ERC1: variants seen among roughly 807,000 people sequenced by gnomAD.
ERC1 encodes the protein RAB6 interacting protein 2.
A neutral mutation model predicts 132.0 loss-of-function variants in ERC1; 56 were observed. The observed-to-expected ratio is 0.42, with a 90% CI of 0.34 to 0.53. ERC1 has a LOEUF of 0.53. Ranked by LOEUF, ERC1 falls within the 20% of genes least tolerant of loss-of-function variation. ERC1 has a pLI of 0.03. For synonymous variants in ERC1, 478 were observed against 476.1 expected (o/e 1.00, Z -0.05); for missense variants, 1,202 against 1,349.9 (o/e 0.89, Z 1.72).
At chr12:1,094,322 A>G (rs1003868606) in intron 3 of ERC1, among the ~76,000 whole-genome samples, 2 of 151,836 alleles carry the variant, frequency 1.3e-5, no homozygotes, top group African/African-American at 4.8e-5. Context: ...CCCGGCCAAA[A>G]AAGAAAAAGA....
intron 7 of ERC1, among the ~76,000 whole-genome samples, chr12:1,134,801 T>C (rs1472980459): frequency 6.6e-6 from 1 of 151,100 alleles, no homozygotes; most frequent in Non-Finnish European, 1.5e-5. Flanking sequence ...TGATCTCAGC[T>C]CACTGCAACC....
At chr12:1,300,704 T>C (rs1267038668) in intron 15 of ERC1, among the ~76,000 whole-genome samples, 2 of 152,088 alleles carry the variant, frequency 1.3e-5, no homozygotes, top group Non-Finnish European at 2.9e-5. Context: ...GAATAAAAGC[T>C]CAAAGTCACT....
At chr12:1,386,061 A>G (rs1003189957) in intron 16 of ERC1, 5 of 104,422 alleles carry the variant, frequency 4.8e-5, no homozygotes, top group African/African-American at 1.5e-4. Flanking sequence ...TTTTTTTGAG[A>G]CAGAGTCTTG....
chr12:1,378,184 A>G (rs2088172940), intron 16 of ERC1, among the ~76,000 whole-genome samples: 1 of 152,224 alleles, frequency 6.6e-6, no homozygotes, highest in Non-Finnish European at 1.5e-5. Context: ...TGAAGAATGT[A>G]GGGGTCAGAT....
At chr12:1,449,433 G>A (rs946324907) in intron 18 of ERC1, among the ~76,000 whole-genome samples, 1 of 152,090 alleles carries the variant, frequency 6.6e-6, no homozygotes, top group Non-Finnish European at 1.5e-5. Context: ...CCAGTGGGAG[G>A]TAATAGAATC....
At chr12:1,298,764 T>C (rs148130564) in intron 15 of ERC1, among the ~76,000 whole-genome samples, 93 of 149,644 alleles carry the variant, frequency 6.2e-4, no homozygotes, top group African/African-American at 2.1e-3. Flanking sequence ...ACAGAGATAC[T>C]AGATTAGAAA....
At chr12:1,008,499 A>T (rs1361379068) in intron 1 of ERC1, among the ~76,000 whole-genome samples, 1 of 151,854 alleles carries the variant, frequency 6.6e-6, no homozygotes, top group Non-Finnish European at 1.5e-5. Context: ...CTGGTCTCGA[A>T]CTCCTGGGCT....
At chr12:1,128,087 C>G (rs1267431354) in intron 7 of ERC1, among the ~76,000 whole-genome samples, 1 of 152,198 alleles carries the variant, frequency 6.6e-6, no homozygotes, top group Non-Finnish European at 1.5e-5. Flanking sequence ...GGGACATTCT[C>G]TCAACCTAGT....
intron 2 of ERC1, among the ~76,000 whole-genome samples, chr12:1,052,338 C>G (rs980777902): frequency 6.6e-6 from 1 of 152,240 alleles, no homozygotes; most frequent in East Asian, 1.9e-4. Flanking sequence ...AAAATAATTA[C>G]GTAAACACAA....
chr12:1,472,501 T>G (rs1221549121), intron 18 of ERC1, among the ~76,000 whole-genome samples: 1 of 151,890 alleles, frequency 6.6e-6, no homozygotes, highest in African/African-American at 2.4e-5. Flanking sequence ...AAATTTAAAA[T>G]TAGTGGGGTG....
intron 7 of ERC1, among the ~76,000 whole-genome samples, chr12:1,126,986 CAAAAA>C (rs71055135): frequency 2.2e-4 from 25 of 114,202 alleles, no homozygotes; most frequent in African/African-American, 3.0e-4. Flanking sequence ...GATTCTGTCT[CAAAAA>C]AAAAAAAAAA....
intron 3 of ERC1, among the ~76,000 whole-genome samples, chr12:1,098,717 T>C (rs1417859396): frequency 2.0e-5 from 3 of 152,212 alleles, no homozygotes; most frequent in African/African-American, 7.2e-5. Flanking sequence ...TAAATAGAGA[T>C]GCCAAATGGG....
intron 15 of ERC1, among the ~76,000 whole-genome samples, chr12:1,342,699 G>A (rs886427520): frequency 1.3e-5 from 2 of 152,090 alleles, no homozygotes; most frequent in Non-Finnish European, 2.9e-5. Flanking sequence ...AATAGCAGAT[G>A]AAAAGTCACA....
rs561268022 is a variant in ERC1, at chr12:1,389,667, G to A, written c.2925+17690G>A. Among the ~76,000 whole-genome samples the A allele has an allele frequency of 5.9e-5, 9 of 152,228 alleles. No homozygotes were observed. The East Asian group carries it at 1.7e-3, about 29-fold the overall frequency. The stretch of plus-strand genomic sequence containing the variant: ...TGATTGTGATCTTATATACCCCATA[G>A]CCATTTTGCTGATTTGATATATAAA... On this transcript the variant is annotated intron_variant, in intron 16 of 18. Transcript: ENST00000360905.
intron 1 of ERC1, among the ~76,000 whole-genome samples, chr12:1,021,102 G>C (rs985375317): frequency 1.3e-5 from 2 of 151,972 alleles, no homozygotes; most frequent in African/African-American, 4.8e-5. Flanking sequence ...CACCATGCCT[G>C]GCTAATTTTT....
intron 15 of ERC1, among the ~76,000 whole-genome samples, chr12:1,315,337 A>G (rs577084428): frequency 2.7e-5 from 4 of 150,602 alleles, no homozygotes; most frequent in African/African-American, 7.4e-5. Flanking sequence ...AGTTTTCTAC[A>G]GTTTTTTTGT....
intron 17 of ERC1, among the ~76,000 whole-genome samples, chr12:1,410,626 G>A (rs2091784805): frequency 6.8e-6 from 1 of 147,604 alleles, no homozygotes; most frequent in South Asian, 2.1e-4. Context: ...CTGACATAGT[G>A]GGGTTTGGAT....
intron 12 of ERC1, among the ~76,000 whole-genome samples, chr12:1,214,186 TA>T (rs372595117): frequency 1.2e-4 from 18 of 152,312 alleles, no homozygotes; most frequent in Admixed American, 3.3e-4. Context: ...ATCTCCCAGG[TA>T]AACAGTATTT....
intron 12 of ERC1, among the ~76,000 whole-genome samples, chr12:1,235,130 G>T (rs1429872037): frequency 1.3e-5 from 2 of 152,216 alleles, no homozygotes; most frequent in African/African-American, 2.4e-5. Flanking sequence ...ACACTGGGAG[G>T]CAGAGGCCAG....
Sources: allele counts gnomAD v4.1 joint callset (sites outside exome capture counted in the v4.1 genomes callset), GRCh38; gene constraint gnomAD v4.1.1; transcripts MANE v1.5; gene names NCBI Gene and HGNC (gene_info 2026-07-23, HGNC 2026-07-21).